The following ALKBH5 variants were observed in gnomAD, a reference collection of about 807,000 sequenced individuals.
ALKBH5 encodes RNA demethylase ALKBH5.
In ALKBH5, 2 loss-of-function variants were observed where a neutral mutation model predicts 32.1. That is an observed-to-expected ratio of 0.06 (90% CI 0.03 to 0.20). The LOEUF is 0.20. ALKBH5 is among the 10% of genes least tolerant of loss of function. The probability of loss-of-function intolerance (pLI) is 1.00; values close to 1 mark genes in which losing one functional copy is unlikely to be tolerated. For missense variants in ALKBH5, 352 were observed against 559.5 expected, an observed-to-expected ratio of 0.63 and a Z score of 3.74; for synonymous variants, 300 against 231.7, an observed-to-expected ratio of 1.29 and a Z score of -2.68.
At chr17:18,189,917 T>A (rs2047163638) in intron 1 of ALKBH5, among the ~76,000 whole-genome samples, 1 of 152,180 alleles carries the variant, frequency 6.6e-6, no homozygotes, top group Non-Finnish European at 1.5e-5. Context: ...GGACTTCTTA[T>A]AAAGTTAGGC....
At chr17:18,197,901 C>G (rs2047213319) in intron 2 of ALKBH5, among the ~76,000 whole-genome samples, 1 of 152,144 alleles carries the variant, frequency 6.6e-6, no homozygotes, top group Admixed American at 6.5e-5. Flanking sequence ...CCCAGCTTCC[C>G]CAGGTAGCTG....
intron 1 of ALKBH5, among the ~76,000 whole-genome samples, chr17:18,187,840 G>A (rs567053934): frequency 5.9e-5 from 9 of 152,332 alleles, no homozygotes; most frequent in African/African-American, 2.2e-4. Context: ...GTGCGGTGCA[G>A]ATGGGGAGGG....
intron 2 of ALKBH5, among the ~76,000 whole-genome samples, chr17:18,199,483 G>A (rs1465376703): frequency 2.0e-5 from 3 of 152,126 alleles, no homozygotes; most frequent in African/African-American, 7.2e-5. Flanking sequence ...CTCCTGGTAG[G>A]CCTTGCTAGC....
intron 2 of ALKBH5, 61 bp downstream of exon 2, chr17:18,195,096 T>G (rs1297713596): frequency 6.9e-7 from 1 of 1,457,954 alleles, no homozygotes; most frequent in Non-Finnish European, 9.5e-7. Context: ...GATGTAGCTC[T>G]GGGTCCACTT....
At chr17:18,190,087 G>A (rs1009865800) in intron 1 of ALKBH5, among the ~76,000 whole-genome samples, 7 of 152,334 alleles carry the variant, frequency 4.6e-5, no homozygotes, top group Admixed American at 2.6e-4. Context: ...GAGAGAGACA[G>A]TCACCAGGCT....
At chr17:18,190,899 A>T (rs2047170421) in intron 1 of ALKBH5, among the ~76,000 whole-genome samples, 1 of 152,176 alleles carries the variant, frequency 6.6e-6, no homozygotes, top group Non-Finnish European at 1.5e-5. Flanking sequence ...AGTCACTCTG[A>T]GGTATAGGAC....
At position 18,209,231 on chromosome 17, in the gene ALKBH5, G is replaced by A. The variant is rs980420537; in HGVS notation, c.*835G>A. The A allele has an allele frequency of 3.9e-5, 6 of 152,692 alleles. No individual in the cohort carries two copies. The highest frequency in any genetic ancestry group is 1.4e-4 in the African/African-American group (6 of 41,460). The allele number at this position is 152,692 out of a possible 1,614,324, so 9.5% of individuals were successfully genotyped here. On this transcript the variant is annotated 3_prime_UTR_variant, in exon 4 of 4. Coordinates refer to ENST00000399138, the MANE Select transcript of ALKBH5 (RefSeq NM_017758.4). ...GAAATTGTTTCTAGCTAGAGGGACT[G>A]GTGTCCTTCCAAGTCTAGCATTTGG...
chr17:18,200,051 T>A (rs1050731074), intron 2 of ALKBH5, among the ~76,000 whole-genome samples: 1 of 150,430 alleles, frequency 6.6e-6, no homozygotes, highest in African/African-American at 2.5e-5. Context: ...GAGCCGAGAT[T>A]GTACCATTGC....
chr17:18,201,044 A>G (rs1156359762), intron 2 of ALKBH5, among the ~76,000 whole-genome samples: 1 of 152,124 alleles, frequency 6.6e-6, no homozygotes, highest in African/African-American at 2.4e-5. Context: ...CTTCCATGAG[A>G]GCAGAGCAAT....
In ALKBH5 at chr17:18,184,489, G is replaced by A. The variant is rs1383196275; in HGVS notation, c.246G>A (p.Ala82=). ...AGCAGCTGCAGAAGGAGGAGGAGGC[G>A]CGCAAGGTGAAGAGCGGCATCCGCC... ...EEQQLQKEEE[A]RKVKSGIRQM... Residue 82 remains alanine (A), a synonymous_variant, in exon 1 of 4, where the codon GCG becomes GCA. Transcript: ENST00000399138. The A allele has an allele frequency of 1.2e-6, 2 of 1,612,942 alleles. No individual in the cohort carries two copies. Among genetic ancestry groups the A allele is most frequent in the Non-Finnish European group, 1.7e-6 (2 of 1,179,838 alleles).
Position 18,184,832 on chromosome 17 carries a change from C to G in ALKBH5, c.589C>G (p.Pro197Ala). The G allele has an allele frequency of 6.2e-7, 1 of 1,614,178 alleles. No individual in the cohort carries two copies. The highest frequency in any genetic ancestry group is 8.5e-7 in the Non-Finnish European group (1 of 1,180,024). ...VNSAVINDYQ[P>A]GGCIVSHVDP... ...CAGCGCCGTCATCAACGACTACCAG[C>G]CCGGCGGCTGCATCGTGTCTCACGT... is the stretch of plus-strand genomic sequence containing the variant. Residue 197 changes from proline to alanine, a missense_variant, in exon 1 of 4, where the codon CCC becomes GCC. Pro to Ala is a conservative substitution (Grantham distance 27). Coordinates refer to ENST00000399138, the MANE Select transcript of ALKBH5 (RefSeq NM_017758.4).
chr17:18,208,344 G>A lies in ALKBH5; in HGVS notation c.1133G>A (p.Cys378Tyr). The A allele has an allele frequency of 2.5e-6, 4 of 1,613,956 alleles. No homozygotes were observed. The highest frequency in any genetic ancestry group is 3.4e-6 in the Non-Finnish European group (4 of 1,179,908). Residue 378 changes from cysteine to tyrosine, a missense_variant, in exon 4 of 4, where the codon TGC becomes TAC. By Grantham distance (194) the Cys-to-Tyr change is radical. Transcript: ENST00000399138. ...AAGTCATACGAGTCCTCAGAGGACTGCTCTGAGGCAGCAGGCAGCCCTGCC... is the reference window on the plus strand; with the variant it reads ...AAGTCATACGAGTCCTCAGAGGACTACTCTGAGGCAGCAGGCAGCCCTGCC... Reference protein sequence around the residue: ...WRKSYESSEDCSEAAGSPARK... With the variant: ...WRKSYESSEDYSEAAGSPARK...
At chr17:18,186,229 A>G (rs1034988245) in intron 1 of ALKBH5, among the ~76,000 whole-genome samples, 2 of 152,222 alleles carry the variant, frequency 1.3e-5, no homozygotes, top group African/African-American at 4.8e-5. Context: ...CTCTTTAGGC[A>G]TCTGAAACTT....
chr17:18,204,583 G>A (rs538332016), intron 2 of ALKBH5, among the ~76,000 whole-genome samples: 35 of 152,216 alleles, frequency 2.3e-4, no homozygotes, highest in Middle Eastern at 3.4e-3. Flanking sequence ...CTAACATGGT[G>A]AAATGCTGTC....
At chr17:18,206,203 A>C (rs1308187778) in intron 2 of ALKBH5, among the ~76,000 whole-genome samples, 2 of 151,902 alleles carry the variant, frequency 1.3e-5, no homozygotes, top group East Asian at 3.9e-4. Context: ...CTTGGTGGGG[A>C]CTGTGCCTTC....
chr17:18,207,007 G>C (rs757536981), intron 3 of ALKBH5, 37 bp downstream of exon 3: 1 of 1,605,142 alleles, frequency 6.2e-7, no homozygotes, highest in South Asian at 1.1e-5. Context: ...GGCTGGCAAA[G>C]GCCTGGCTGC....
intron 2 of ALKBH5, among the ~76,000 whole-genome samples, chr17:18,200,894 A>G (rs532561679): frequency 2.6e-5 from 4 of 152,340 alleles, no homozygotes; most frequent in East Asian, 1.9e-4. Flanking sequence ...CACGCTGTGC[A>G]GAGAAATGTT....
At chr17:18,193,290 G>C (rs924988691) in intron 1 of ALKBH5, among the ~76,000 whole-genome samples, 1 of 150,972 alleles carries the variant, frequency 6.6e-6, no homozygotes, top group Non-Finnish European at 1.5e-5. Context: ...GCTCACACCT[G>C]TAATCCCAGC....
Position 18,184,350 on chromosome 17 carries a change from C to T in ALKBH5, c.107C>T (p.Ala36Val), listed in dbSNP as rs1283407160. Reference sequence around the variant, plus strand: ...CGGGAGGCCGCCGCCGCTGCCGCAGCCGCCGTAGCCGCCGCAGCCGCAGCC... The same window carrying T: ...CGGGAGGCCGCCGCCGCTGCCGCAGTCGCCGTAGCCGCCGCAGCCGCAGCC... ...GSREAAAAAA[A>V]AVAAAAAAAA... Residue 36 changes from alanine to valine, a missense_variant, in exon 1 of 4, where the codon GCC becomes GTC. Around this residue, in one of 4 missense-constraint regions of ALKBH5, gnomAD observed 144 missense variants for 125.8 expected, o/e 1.14. Transcript: ENST00000399138. The T allele has an allele frequency of 6.6e-7, 1 of 1,510,970 alleles. No homozygotes were observed. Among genetic ancestry groups the T allele is most frequent in the Non-Finnish European group, 8.8e-7 (1 of 1,133,722 alleles). The allele number at this position is 1,510,970 out of a possible 1,614,324, so 93.6% of individuals were successfully genotyped here. A position where few individuals can be genotyped will look rare whatever the true frequency, so the allele number is the denominator to read the frequency against.
Sources: allele counts gnomAD v4.1 joint callset (sites outside exome capture counted in the v4.1 genomes callset), GRCh38; gene constraint gnomAD v4.1.1; regional missense constraint gnomAD v4.1.1; transcripts MANE v1.5; gene names NCBI Gene and HGNC (gene_info 2026-07-23, HGNC 2026-07-21).